Variants in AGAP1 observed in about 807,000 individuals in gnomAD.
The protein encoded by AGAP1 is ArfGAP with GTPase domain, ankyrin repeat and PH domain 1.
A neutral mutation model predicts 105.3 loss-of-function variants in AGAP1; 29 were observed. That is an observed-to-expected ratio of 0.28 (90% CI 0.21 to 0.38). The LOEUF is 0.38. AGAP1 is among the 10% of genes least tolerant of loss of function. The pLI, the probability that AGAP1 is intolerant of heterozygous loss-of-function variation, is 1.00. For synonymous variants in AGAP1, 509 were observed against 485.9 expected (o/e 1.05, Z -0.63); for missense variants, 998 against 1,165.1 (o/e 0.86, Z 2.09).
rs1457154147 is a variant in AGAP1, at chr2:235,891,307, A to G, written c.1155+7858A>G. On this transcript the variant is annotated intron_variant, in intron 10 of 17. Transcript: ENST00000304032. This position sits in a 1 kb window ranked among gnomAD's most constrained non-coding sequence, Gnocchi z 4.2. ...GGCTGATGCTGCTGCTCTGCGGTCT[A>G]CATTTTTGTGTCTTTGAAAAATTGT... 6.6e-6 allele frequency among the ~76,000 whole-genome samples: 1 copy of G among 152,184 alleles called. No individual in the cohort carries two copies. Among genetic ancestry groups the G allele is most frequent in the Non-Finnish European group, 1.5e-5 (1 of 68,034 alleles).
At chr2:235,894,033 A>G (rs1210832639) in intron 10 of AGAP1, among the ~76,000 whole-genome samples, 2 of 152,144 alleles carry the variant, frequency 1.3e-5, no homozygotes, top group Admixed American at 1.3e-4. Flanking sequence ...TGCAAAATCT[A>G]AACACATCAC....
chr2:236,066,726 A>G (rs1207753868), intron 16 of AGAP1, among the ~76,000 whole-genome samples: 1 of 152,220 alleles, frequency 6.6e-6, no homozygotes, highest in Non-Finnish European at 1.5e-5. Flanking sequence ...TATACAATCA[A>G]TTCAGTTGGT....
chr2:235,910,501 T>C, intron 11 of AGAP1, among the ~76,000 whole-genome samples: 1 of 152,116 alleles, frequency 6.6e-6, no homozygotes, highest in South Asian at 2.1e-4. Context: ...TAGAGCGGTG[T>C]GCTAACTATG....
At chr2:235,645,693 G>A (rs2149313936) in intron 1 of AGAP1, among the ~76,000 whole-genome samples, 1 of 152,314 alleles carries the variant, frequency 6.6e-6, no homozygotes, top group East Asian at 1.9e-4. Context: ...TTCCTGCAGA[G>A]GGAGGTGGGG....
In AGAP1 at chr2:236,009,129, A is replaced by T. The variant is rs2125552600; in HGVS notation, c.1646-27432A>T. Reference sequence around the variant, plus strand: ...TGTCAAGCCCCTTCACAGCTAAAGTAGTGAGTTCACATAGTCGAAGAATCT... The same window carrying T: ...TGTCAAGCCCCTTCACAGCTAAAGTTGTGAGTTCACATAGTCGAAGAATCT... On this transcript the variant is annotated intron_variant, in intron 13 of 17. Transcript: ENST00000304032. This position sits in a 1 kb window ranked among gnomAD's most constrained non-coding sequence, Gnocchi z 4.2. Among the ~76,000 whole-genome samples, 1 of 152,328 alleles carries T rather than the reference A, an allele frequency of 6.6e-6. No homozygotes were observed. Among genetic ancestry groups the T allele is most frequent in the Non-Finnish European group, 1.5e-5 (1 of 68,028 alleles).
rs930478267 is a variant in AGAP1 at position 235,720,630 on chromosome 2, T to C, written c.310+2986T>C. On this transcript the variant is annotated intron_variant, in intron 3 of 17. Coordinates refer to ENST00000304032, the MANE Select transcript of AGAP1 (RefSeq NM_001037131.3). This position sits in a 1 kb window ranked among gnomAD's most constrained non-coding sequence, Gnocchi z 5.0. ...CTACTTTGAATGAAAGGCATTTTGC[T>C]GTGTATCTGCCTGTCCAGATAGTTC... 1 of 981,792 alleles carries C rather than the reference T, an allele frequency of 1.0e-6. No homozygotes were observed. Among genetic ancestry groups the C allele is most frequent in the African/African-American group, 1.8e-5 (1 of 57,106 alleles). The allele number at this position is 981,792 out of a possible 1,614,324, so 60.8% of individuals were successfully genotyped here.
chr2:235,749,766 C>T (rs1196460237), intron 5 of AGAP1, among the ~76,000 whole-genome samples: 1 of 152,216 alleles, frequency 6.6e-6, no homozygotes, highest in Non-Finnish European at 1.5e-5. Flanking sequence ...GGCCATCTTA[C>T]ATTCAGAACC....
Position 235,906,866 on chromosome 2 carries a change from T to C in AGAP1, c.1156-1872T>C, listed in dbSNP as rs966857165. ...TCCTTCACAAGTGTGGGTGTTGCCC[T>C]GCAATTAAAAGGTGGACTGCTTGCC... On this transcript the variant is annotated intron_variant, in intron 10 of 17. Transcript: ENST00000304032. This position sits in a 1 kb window ranked among gnomAD's most constrained non-coding sequence, Gnocchi z 5.3. Among the ~76,000 whole-genome samples the C allele has an allele frequency of 2.6e-5, 4 of 151,120 alleles. No individual in the cohort carries two copies. The highest frequency in any genetic ancestry group is 4.4e-5 in the Non-Finnish European group (3 of 68,020).
At position 235,660,399 on chromosome 2, in the gene AGAP1, G is replaced by T. The variant is rs1947909318; in HGVS notation, c.164-48780G>T. 6.6e-6 allele frequency among the ~76,000 whole-genome samples: 1 copy of T among 152,152 alleles called. No homozygotes were observed. Among genetic ancestry groups the T allele is most frequent in the Admixed American group, 6.5e-5 (1 of 15,270 alleles). On this transcript the variant is annotated intron_variant, in intron 1 of 17. Transcript: ENST00000304032. This position sits in a 1 kb window ranked among gnomAD's most constrained non-coding sequence, Gnocchi z 5.3. ...CTGCACTGATTAAGTCAACCATCAA[G>T]CAGCATTTATTAAGTAGAACATTGA...
At chr2:235,791,271 T>C (rs72983032) in intron 6 of AGAP1, among the ~76,000 whole-genome samples, 39,202 of 151,990 alleles carry the variant, frequency 0.26, 5,385 homozygotes, top group Admixed American at 0.4. Flanking sequence ...AATGATCACT[T>C]TACTGTGATT....
rs1457232513 is a variant in AGAP1, at chr2:236,090,128, A to G, written c.2115-30064A>G. 6.6e-6 allele frequency among the ~76,000 whole-genome samples: 1 copy of G among 152,192 alleles called. No individual in the cohort carries two copies. The highest frequency in any genetic ancestry group is 1.5e-5 in the Non-Finnish European group (1 of 68,042). On this transcript the variant is annotated intron_variant, in intron 16 of 17. Coordinates refer to ENST00000304032, the MANE Select transcript of AGAP1 (RefSeq NM_001037131.3). This position sits in a 1 kb window ranked among gnomAD's most constrained non-coding sequence, Gnocchi z 4.3. ...TGCCCTGCGCGCCTGAGCCCTTCAC[A>G]GAGACCGGCCGTGTCCTCACCCCTC...
In AGAP1 at chr2:235,874,700, G is replaced by A. The variant is rs570978694; in HGVS notation, c.1051-8645G>A. Reference sequence around the variant, plus strand: ...TTCTGGCTTTGCCTTCATCTATTCTGGAAATTTCAAGAGAACCTGGACATG... The same window carrying A: ...TTCTGGCTTTGCCTTCATCTATTCTAGAAATTTCAAGAGAACCTGGACATG... On this transcript the variant is annotated intron_variant, in intron 9 of 17. Transcript: ENST00000304032. The surrounding 1 kb of genome is among the most constrained non-coding windows in gnomAD (Gnocchi z 4.5). Among the ~76,000 whole-genome samples the A allele has an allele frequency of 4.3e-4, 65 of 152,250 alleles. No individual in the cohort carries two copies. Among genetic ancestry groups the A allele is most frequent in the Non-Finnish European group, 7.8e-4 (53 of 68,026 alleles).
intron 1 of AGAP1, among the ~76,000 whole-genome samples, chr2:235,508,062 C>G (rs890760986): frequency 6.6e-6 from 1 of 152,174 alleles, no homozygotes; most frequent in Non-Finnish European, 1.5e-5. Context: ...CGCTGGTTCG[C>G]TTATGATATT....
intron 1 of AGAP1, among the ~76,000 whole-genome samples, chr2:235,548,070 C>T (rs1296555974): frequency 3.3e-5 from 5 of 152,206 alleles, no homozygotes; most frequent in Non-Finnish European, 7.3e-5. Flanking sequence ...TGTTTCTGCC[C>T]CAGGGTCGTG....
At position 235,670,398 on chromosome 2, in the gene AGAP1, C is replaced by T. The variant is rs751830596; in HGVS notation, c.164-38781C>T. On this transcript the variant is annotated intron_variant, in intron 1 of 17. Transcript: ENST00000304032. The stretch of plus-strand genomic sequence containing the variant: ...TTCCGCACCTTCCGCACCCGCAGCA[C>T]CGGGCAGCTGGAACTGGGGCGGCTC... 1.1e-4 allele frequency: 65 copies of T among 568,406 alleles called. 1 individual carries two copies. The South Asian group carries it at 1.2e-3, about 10-fold the overall frequency. 35.2% of individuals were successfully genotyped at this position (568,406 alleles called of 1,614,324 possible). A position where few individuals can be genotyped will look rare whatever the true frequency, so the allele number is the denominator to read the frequency against.
At chr2:235,564,930 C>A (rs1944296343) in intron 1 of AGAP1, among the ~76,000 whole-genome samples, 2 of 148,804 alleles carry the variant, frequency 1.3e-5, no homozygotes, top group Non-Finnish European at 2.9e-5. Context: ...AACCACCACT[C>A]ACGGCCAGCT....
At position 236,131,044 on chromosome 2, in the gene AGAP1, CGGG is replaced by C. The variant is rs938719640; in HGVS notation, c.*6926_*6928del. ...AGAAGCTGCTTCGTGGCGTTAAGAA[CGGG>C]GGGAGAGGGACCAGCACTGTAACGT... On this transcript the variant is annotated 3_prime_UTR_variant, in exon 18 of 18. Coordinates refer to ENST00000304032, the MANE Select transcript of AGAP1 (RefSeq NM_001037131.3). This position sits in a 1 kb window ranked among gnomAD's most constrained non-coding sequence, Gnocchi z 5.9. 2 of 152,156 alleles carry C rather than the reference CGGG, an allele frequency of 1.3e-5. No individual in the cohort carries two copies. The highest frequency in any genetic ancestry group is 4.8e-5 in the African/African-American group (2 of 41,404). The allele number at this position is 152,156 out of a possible 1,614,324, so 9.4% of individuals were successfully genotyped here.
chr2:235,775,911 G>A (rs1482580586), intron 6 of AGAP1: 4 of 152,190 alleles, frequency 2.6e-5, no homozygotes, highest in Non-Finnish European at 1.5e-5. Flanking sequence ...ATGGCCTGTT[G>A]ATTCCTTTTA....
intron 1 of AGAP1, among the ~76,000 whole-genome samples, chr2:235,537,255 G>A (rs929632777): frequency 6.6e-6 from 1 of 152,230 alleles, no homozygotes; most frequent in Admixed American, 6.5e-5. Flanking sequence ...GGGGCACCTC[G>A]GGAGCCTGGC....
Sources: allele counts gnomAD v4.1 joint callset (sites outside exome capture counted in the v4.1 genomes callset), GRCh38; gene constraint gnomAD v4.1.1; non-coding constraint Gnocchi (gnomAD v3.1); transcripts MANE v1.5; gene names NCBI Gene and HGNC (gene_info 2026-07-23, HGNC 2026-07-21).